NRG3: variants seen among roughly 807,000 people sequenced by gnomAD.
NRG3 encodes neuregulin 3.
NRG3 carries 31 observed loss-of-function variants against 66.9 expected under a neutral mutation model. The observed-to-expected ratio is 0.46, with a 90% CI of 0.35 to 0.63. The LOEUF (loss-of-function observed/expected upper bound fraction) is 0.63. NRG3 is among the 20% of genes least tolerant of loss of function. NRG3 has a pLI of 0.00. For missense variants in NRG3, 910 were observed against 878.9 expected (o/e 1.04, Z -0.45); for synonymous variants, 393 against 359.4 (o/e 1.09, Z -1.06).
intron 2 of NRG3, among the ~76,000 whole-genome samples, chr10:82,652,050 A>C (rs601285): frequency 6.6e-6 from 1 of 152,100 alleles, no homozygotes. Flanking sequence ...CTGCTTTGGC[A>C]CCAGCAGGGG....
intron 2 of NRG3, among the ~76,000 whole-genome samples, chr10:82,405,945 G>T (rs1213599860): frequency 6.6e-6 from 1 of 151,880 alleles, no homozygotes; most frequent in African/African-American, 2.4e-5. Context: ...CATTAGCTCT[G>T]GAATATGGTA....
chr10:82,829,644 A>T (rs531819100), intron 3 of NRG3, among the ~76,000 whole-genome samples: 3 of 152,168 alleles, frequency 2.0e-5, no homozygotes, highest in Non-Finnish European at 4.4e-5. Flanking sequence ...CCACTGGAAG[A>T]CAGATCCAGT....
intron 4 of NRG3, among the ~76,000 whole-genome samples, chr10:82,917,057 G>A (rs1845907006): frequency 6.6e-6 from 1 of 152,194 alleles, no homozygotes; most frequent in Non-Finnish European, 1.5e-5. Context: ...TTTCTACACA[G>A]TGGTGGTGCT....
chr10:82,098,412 T>C (rs1231014427), intron 1 of NRG3, among the ~76,000 whole-genome samples: 1 of 152,068 alleles, frequency 6.6e-6, no homozygotes, highest in Non-Finnish European at 1.5e-5. Flanking sequence ...AAACAACTTA[T>C]TGCTCTTGGC....
chr10:82,184,053 T>A (rs2073629171), intron 1 of NRG3, among the ~76,000 whole-genome samples: 1 of 152,146 alleles, frequency 6.6e-6, no homozygotes, highest in Non-Finnish European at 1.5e-5. Context: ...TTTATCTTGT[T>A]TGACCTTCTG....
chr10:82,327,260 CAGG>C (rs975729213), intron 1 of NRG3, among the ~76,000 whole-genome samples: 1 of 152,124 alleles, frequency 6.6e-6, no homozygotes, highest in Non-Finnish European at 1.5e-5. Context: ...AGTGGTAAAA[CAGG>C]AGAAAACTAC....
At chr10:82,640,020 T>C (rs1008624526) in intron 2 of NRG3, among the ~76,000 whole-genome samples, 2 of 152,118 alleles carry the variant, frequency 1.3e-5, no homozygotes, top group Non-Finnish European at 2.9e-5. Context: ...CAACATGCAG[T>C]ATTTAGTTTT....
intron 2 of NRG3, among the ~76,000 whole-genome samples, chr10:82,670,743 A>AAAAC (rs1554991516): frequency 6.6e-6 from 1 of 152,152 alleles, no homozygotes; most frequent in African/African-American, 2.4e-5. Context: ...AAAACAAAAC[A>AAAAC]AAACAAAAAC....
intron 8 of NRG3, among the ~76,000 whole-genome samples, chr10:82,981,008 A>G (rs1008104877): frequency 2.0e-5 from 3 of 152,166 alleles, no homozygotes; most frequent in African/African-American, 7.2e-5. Flanking sequence ...GGGAAAATCA[A>G]CTTCAGAGAT....
At chr10:82,309,543 G>T (rs2080918603) in intron 1 of NRG3, among the ~76,000 whole-genome samples, 1 of 152,100 alleles carries the variant, frequency 6.6e-6, no homozygotes, top group South Asian at 2.1e-4. Context: ...GGTCTGTAGG[G>T]TCTAAATTTG....
intron 2 of NRG3, among the ~76,000 whole-genome samples, chr10:82,438,982 C>T (rs2090296987): frequency 6.6e-6 from 1 of 151,878 alleles, no homozygotes; most frequent in East Asian, 1.9e-4. Flanking sequence ...AGTCGGCCAC[C>T]TTGGTCCTGA....
chr10:82,018,828 A>C (rs1426699670), intron 1 of NRG3, among the ~76,000 whole-genome samples: 4 of 152,012 alleles, frequency 2.6e-5, no homozygotes, highest in Non-Finnish European at 5.9e-5. Flanking sequence ...GCTTAAGGAG[A>C]TTTTGGGCTG....
At chr10:82,913,892 G>T (rs968891113) in intron 4 of NRG3, among the ~76,000 whole-genome samples, 1 of 151,952 alleles carries the variant, frequency 6.6e-6, no homozygotes, top group African/African-American at 2.4e-5. Context: ...TTTTCTATAT[G>T]GTTTTCTCTT....
chr10:82,130,201 G>A (rs890724501), intron 1 of NRG3, among the ~76,000 whole-genome samples: 17 of 151,112 alleles, frequency 1.1e-4, no homozygotes, highest in Non-Finnish European at 1.0e-4. Flanking sequence ...TAGACTATAT[G>A]TATGTATCAC....
intron 2 of NRG3, among the ~76,000 whole-genome samples, chr10:82,506,945 A>G (rs1232834611): frequency 6.6e-6 from 1 of 152,144 alleles, no homozygotes; most frequent in Admixed American, 6.5e-5. Flanking sequence ...CTCCTGACCA[A>G]TTTCACTGCC....
chr10:82,752,781 C>T (rs2134961440), intron 3 of NRG3, among the ~76,000 whole-genome samples: 1 of 152,260 alleles, frequency 6.6e-6, no homozygotes, highest in South Asian at 2.1e-4. Flanking sequence ...GAGGACACAG[C>T]AAGAAGACGC....
intron 3 of NRG3, among the ~76,000 whole-genome samples, chr10:82,801,447 C>A (rs539281843): frequency 6.6e-6 from 1 of 152,216 alleles, no homozygotes; most frequent in Non-Finnish European, 1.5e-5. Flanking sequence ...CACATTCCAT[C>A]TGGAATGTGT....
chr10:82,343,876 G>A (rs1262870500), intron 1 of NRG3, among the ~76,000 whole-genome samples: 1 of 151,990 alleles, frequency 6.6e-6, no homozygotes, highest in African/African-American at 2.4e-5. Context: ...GGACCTCCAG[G>A]ACGCTGCTTC....
chr10:82,458,892 A>C (rs1157395734), intron 2 of NRG3, among the ~76,000 whole-genome samples: 1 of 152,216 alleles, frequency 6.6e-6, no homozygotes, highest in East Asian at 1.9e-4. Context: ...ATGAAGGCTT[A>C]CTAATATTCA....
Sources: gnomAD v4.1 joint callset for allele counts (sites outside exome capture counted in the v4.1 genomes callset) on GRCh38, gnomAD v4.1.1 for gene constraint, MANE v1.5 for transcripts, NCBI Gene and HGNC (gene_info 2026-07-23, HGNC 2026-07-21) for gene names.